Variants in LMBRD2 observed in about 807,000 individuals in gnomAD.
LMBRD2 encodes the protein LMBR1 domain containing 2.
A neutral mutation model predicts 94.4 loss-of-function variants in LMBRD2; 55 were observed. That is an observed-to-expected ratio of 0.58 (90% CI 0.47 to 0.73). LMBRD2 has a LOEUF of 0.73. LMBRD2 is among the 30% of genes least tolerant of loss of function. The pLI is 0.00. For synonymous variants in LMBRD2, 246 were observed against 272.4 expected, an observed-to-expected ratio of 0.90 and a Z score of 0.95; for missense variants, 640 against 831.9, an observed-to-expected ratio of 0.77 and a Z score of 2.84.
intron 9 of LMBRD2, among the ~76,000 whole-genome samples, chr5:36,120,221 C>T (rs1228536313): frequency 6.6e-6 from 1 of 150,574 alleles, no homozygotes; most frequent in Admixed American, 6.6e-5. Flanking sequence ...AGTGCAGTGG[C>T]GCAATCTCGG....
chr5:36,117,559 G>A (rs369101220), intron 10 of LMBRD2, among the ~76,000 whole-genome samples, 176 bp downstream of exon 10: 12 of 152,034 alleles, frequency 7.9e-5, no homozygotes, highest in Non-Finnish European at 1.5e-5. Flanking sequence ...CTCAAATACA[G>A]TTATTAATTT....
At chr5:36,120,767 A>G (rs1743871180) in intron 9 of LMBRD2, among the ~76,000 whole-genome samples, 1 of 152,162 alleles carries the variant, frequency 6.6e-6, no homozygotes, top group Admixed American at 6.5e-5. Context: ...CTTCTCTAAA[A>G]TCCAATGGTC....
At chr5:36,128,316 C>A (rs1319930649) in intron 6 of LMBRD2, among the ~76,000 whole-genome samples, 3 of 152,142 alleles carry the variant, frequency 2.0e-5, no homozygotes, top group African/African-American at 7.2e-5. Flanking sequence ...TACAAATAAG[C>A]CCACACTGCA....
chr5:36,118,860 A>AT (rs1743821702), intron 9 of LMBRD2, among the ~76,000 whole-genome samples: 1 of 151,678 alleles, frequency 6.6e-6, no homozygotes, highest in Admixed American at 6.6e-5. Context: ...TGCCCAGCTA[A>AT]TTTTTTGTAT....
chr5:36,127,053 C>T (rs1243110195), intron 6 of LMBRD2, among the ~76,000 whole-genome samples: 2 of 152,208 alleles, frequency 1.3e-5, no homozygotes. Context: ...CATACTAGAG[C>T]ATTTTCATCA....
intron 16 of LMBRD2, among the ~76,000 whole-genome samples, chr5:36,106,580 G>A (rs192201077): frequency 6.7e-6 from 1 of 148,410 alleles, no homozygotes; most frequent in Admixed American, 6.8e-5. Flanking sequence ...CATGATCTCG[G>A]CTCACTACAA....
At chr5:36,122,131 T>C (rs1269475863) in intron 9 of LMBRD2, 149 bp downstream of exon 9, 2 of 574,288 alleles carry the variant, frequency 3.5e-6, no homozygotes. Context: ...AACAGTTATT[T>C]TGGGGAAATG....
In LMBRD2 at chr5:36,122,338, G is replaced by A. The variant is rs749538948; in HGVS notation, c.1062C>T (p.Thr354=). Residue 354 remains threonine (T), a synonymous_variant, in exon 9 of 18, where the codon ACC becomes ACT. Coordinates refer to ENST00000296603, the MANE Select transcript of LMBRD2 (RefSeq NM_001007527.2). ...ETSATHQFVH[T]FQSPEPENRF... is the part of the protein sequence containing the mutation. ...GATTTTCTGGCTCTGGCGATTGAAA[G>A]GTGTGAACAAACTGATGAGTAGCAC... 6.2e-7 allele frequency: 1 copy of A among 1,611,732 alleles called. No homozygotes were observed. Among genetic ancestry groups the A allele is most frequent in the East Asian group, 2.2e-5 (1 of 44,702 alleles).
At chr5:36,120,256 GT>G (rs765450730) in intron 9 of LMBRD2, among the ~76,000 whole-genome samples, 2 of 150,280 alleles carry the variant, frequency 1.3e-5, no homozygotes, top group East Asian at 2.0e-4. Context: ...CACCTCCTGG[GT>G]TCAAGTGATT....
chr5:36,141,970 C>T (rs975366116), intron 3 of LMBRD2, among the ~76,000 whole-genome samples: 4 of 152,188 alleles, frequency 2.6e-5, no homozygotes, highest in African/African-American at 9.6e-5. Context: ...TTCATAAAGG[C>T]TATAGTCAAC....
intron 1 of LMBRD2, among the ~76,000 whole-genome samples, chr5:36,147,193 C>G (rs1242157077): frequency 2.0e-5 from 3 of 152,050 alleles, no homozygotes; most frequent in Non-Finnish European, 4.4e-5. Flanking sequence ...ACTATATTGC[C>G]TTATTATGAC....
intron 15 of LMBRD2, among the ~76,000 whole-genome samples, chr5:36,108,860 T>G (rs1561511282): frequency 6.6e-6 from 1 of 152,190 alleles, no homozygotes; most frequent in Non-Finnish European, 1.5e-5. Flanking sequence ...GACATAGAGA[T>G]ATTTTTGCTA....
At chr5:36,114,952 C>T in intron 12 of LMBRD2, 63 bp downstream of exon 12, 4 of 1,079,710 alleles carry the variant, frequency 3.7e-6, no homozygotes, top group Non-Finnish European at 5.5e-6. Context: ...AAAGAAATTT[C>T]ACAATAACAG....
intron 7 of LMBRD2, 119 bp from the exon 8 acceptor site, chr5:36,123,080 TTTA>T (rs554308967): frequency 4.8e-6 from 5 of 1,035,776 alleles, no homozygotes; most frequent in Non-Finnish European, 6.5e-6. Flanking sequence ...ATCTTCCTAC[TTTA>T]TTGTCATCTC....
intron 4 of LMBRD2, 103 bp from the exon 5 acceptor site, chr5:36,137,544 C>A: frequency 1.6e-6 from 1 of 616,510 alleles, no homozygotes. Flanking sequence ...ATGAATAGGT[C>A]TTCTCATTAA....
intron 6 of LMBRD2, 75 bp downstream of exon 6, chr5:36,136,234 C>A (rs1161864343): frequency 9.1e-6 from 13 of 1,431,242 alleles, no homozygotes; most frequent in Non-Finnish European, 1.3e-5. Context: ...CTAACAACAA[C>A]AACAAACCAA....
chr5:36,134,499 G>A (rs1744223884), intron 6 of LMBRD2, among the ~76,000 whole-genome samples: 1 of 152,060 alleles, frequency 6.6e-6, no homozygotes, highest in African/African-American at 2.4e-5. Context: ...GTTAAGATGA[G>A]GTTATACTGG....
chr5:36,130,846 A>C (rs1318935494), intron 6 of LMBRD2, among the ~76,000 whole-genome samples: 1 of 152,162 alleles, frequency 6.6e-6, no homozygotes, highest in Non-Finnish European at 1.5e-5. Flanking sequence ...AAGTCATAAT[A>C]AAAAGTCTCC....
chr5:36,105,042 G>A (rs367738229), intron 17 of LMBRD2, 26 bp downstream of exon 17: 3 of 1,607,748 alleles, frequency 1.9e-6, no homozygotes, highest in African/African-American at 2.7e-5. Flanking sequence ...GAATGCTAGA[G>A]CTAAAATGTC....
Sources: allele counts gnomAD v4.1 joint callset (sites outside exome capture counted in the v4.1 genomes callset), GRCh38; gene constraint gnomAD v4.1.1; transcripts MANE v1.5; gene names NCBI Gene and HGNC (gene_info 2026-07-23, HGNC 2026-07-21).